GSN: variants seen among roughly 807,000 people sequenced by gnomAD.
GSN encodes the protein actin-depolymerizing factor.
GSN carries 56 observed loss-of-function variants against 85.7 expected under a neutral mutation model. That is an observed-to-expected ratio of 0.65 (90% CI 0.53 to 0.82). The LOEUF is 0.82. GSN is among the 40% of genes least tolerant of loss of function. The probability of loss-of-function intolerance (pLI) is 0.00; values close to 1 mark genes in which losing one functional copy is unlikely to be tolerated. For synonymous variants in GSN, 373 were observed against 399.1 expected (o/e 0.93, Z 0.78); for missense variants, 857 against 979.8 (o/e 0.87, Z 1.67).
At chr9:121,330,506 C>T (rs576735655) in intron 16 of GSN, among the ~76,000 whole-genome samples, 119 of 152,094 alleles carry the variant, frequency 7.8e-4, no homozygotes, top group Admixed American at 2.4e-3. Flanking sequence ...ACCCAGGAGG[C>T]GGAGGTTGCA....
At chr9:121,307,664 G>C (rs2133349746) in intron 4 of GSN, among the ~76,000 whole-genome samples, 1 of 152,344 alleles carries the variant, frequency 6.6e-6, no homozygotes, top group East Asian at 1.9e-4. Context: ...GGACTTCATT[G>C]CATGCACTTA....
At chr9:121,202,086 G>A in the GSN span, among the ~76,000 whole-genome samples, 2 of 152,230 alleles carry the variant, frequency 1.3e-5, no homozygotes, top group South Asian at 4.1e-4. Context: ...AAGGTGGAAA[G>A]CGCGTATGCG....
intron 10 of GSN, among the ~76,000 whole-genome samples, chr9:121,320,942 G>A (rs964950663): frequency 2.6e-5 from 4 of 152,182 alleles, no homozygotes; most frequent in African/African-American, 9.7e-5. Context: ...AGGGGATGAG[G>A]GGCCTGATTT....
At chr9:121,252,795 G>A (rs927039425) in intron 6 of GSN, among the ~76,000 whole-genome samples, 28 of 152,112 alleles carry the variant, frequency 1.8e-4, no homozygotes, top group African/African-American at 4.8e-4. Context: ...CTAGGATTTC[G>A]GGGGGGCAAT....
intron 2 of GSN, chr9:121,282,481 G>T: frequency 1.6e-6 from 2 of 1,259,850 alleles, no homozygotes; most frequent in South Asian, 7.6e-5. Context: ...GTCTGCTGTG[G>T]CCCAGCTGGC....
At chr9:121,259,674 G>A (rs139524744) in intron 6 of GSN, among the ~76,000 whole-genome samples, 86 of 152,222 alleles carry the variant, frequency 5.6e-4, no homozygotes, top group Admixed American at 1.2e-3. Flanking sequence ...GGCTAAAGAA[G>A]CTCAGAGCTT....
chr9:121,310,533 A>G (rs2060984410), intron 4 of GSN, 151 bp from the exon 5 acceptor site: 1 of 738,238 alleles, frequency 1.4e-6, no homozygotes, highest in African/African-American at 1.7e-5. Flanking sequence ...AATGGGTATG[A>G]AAGTCCTGAG....
intron 5 of GSN, among the ~76,000 whole-genome samples, chr9:121,235,403 A>AGATT (rs1314953728): frequency 1.3e-5 from 2 of 152,192 alleles, no homozygotes; most frequent in African/African-American, 4.8e-5. Context: ...TTACCCAAAG[A>AGATT]GATTATGTGC....
intron 1 of GSN, chr9:121,280,827 G>A (rs2057277059): frequency 6.6e-6 from 1 of 152,236 alleles, no homozygotes; most frequent in Non-Finnish European, 1.5e-5. Context: ...GAGTACTAAC[G>A]TACAGCTCTG....
chr9:121,213,986 C>T (rs1263748484), intron 4 of GSN, among the ~76,000 whole-genome samples: 2 of 152,210 alleles, frequency 1.3e-5, no homozygotes, highest in Non-Finnish European at 2.9e-5. Flanking sequence ...TATCCCTCAT[C>T]CAGCTTCAGC....
chr9:121,218,015 C>T (rs2054099673), intron 4 of GSN, among the ~76,000 whole-genome samples: 1 of 151,880 alleles, frequency 6.6e-6, no homozygotes, highest in Non-Finnish European at 1.5e-5. Context: ...TTTTGCATAT[C>T]CTGATCTTAT....
At chr9:121,305,479 T>C (rs1207466931) in intron 4 of GSN, among the ~76,000 whole-genome samples, 1 of 152,222 alleles carries the variant, frequency 6.6e-6, no homozygotes, top group Non-Finnish European at 1.5e-5. Flanking sequence ...GGCACAGAGA[T>C]GTTAAGCAAC....
chr9:121,228,957 G>A (rs2054332743), intron 4 of GSN, among the ~76,000 whole-genome samples: 1 of 152,084 alleles, frequency 6.6e-6, no homozygotes, highest in South Asian at 2.1e-4. Flanking sequence ...AATATCTTTA[G>A]CAAATATCTC....
chr9:121,288,174 C>T (rs563687911), intron 2 of GSN, among the ~76,000 whole-genome samples: 2 of 152,098 alleles, frequency 1.3e-5, no homozygotes, highest in South Asian at 2.1e-4. Flanking sequence ...GGATTCCTCC[C>T]GCCTCAGCCT....
In GSN at chr9:121,239,116, C is replaced by T. The variant is rs540745977; in HGVS notation, c.-389+7813C>T. The stretch of plus-strand genomic sequence containing the variant: ...AATTGAGCCATTTCTACCTTCTCCT[C>T]GACCTGCATGTTCATATATAGTGGC... On this transcript the variant is annotated intron_variant, in intron 5 of 24. Transcript: ENST00000373823. 7.2e-4 allele frequency: 257 copies of T among 356,898 alleles called. 3 individuals carry two copies. The highest frequency in any genetic ancestry group is 4.5e-3 in the African/African-American group (214 of 47,088). 22.1% of individuals were successfully genotyped at this position (356,898 alleles called of 1,614,324 possible).
At position 121,329,059 on chromosome 9, in the gene GSN, G is replaced by T; in HGVS notation, c.1887+44G>T. ...CACACCTCTGCTTTCCCCTCGGGAG[G>T]CGAGTTCCACAGGACTGGCCGGCAG... On this transcript the variant is annotated intron_variant, in intron 15 of 17. Coordinates refer to ENST00000432226, the MANE Select transcript of GSN (RefSeq NM_198252.3). The surrounding 1 kb of genome is among the most constrained non-coding windows in gnomAD (Gnocchi z 4.6). The T allele has an allele frequency of 6.2e-7, 1 of 1,609,458 alleles. No individual in the cohort carries two copies.
rs2059597374 is a variant in GSN, at chr9:121,299,797, G to A, written c.-9-2166G>A. The A allele has an allele frequency of 2.4e-6, 3 of 1,257,642 alleles. No homozygotes were observed. The highest frequency in any genetic ancestry group is 3.0e-6 in the Non-Finnish European group (3 of 995,192). 77.9% of individuals were successfully genotyped at this position (1,257,642 alleles called of 1,614,324 possible). ...CCCGGCTTGGGCGGGATGGGCGGGC[G>A]GCTACTTAAGGTCGGCGACCCGAGG... On this transcript the variant is annotated intron_variant, in intron 2 of 17. Transcript: ENST00000432226. This position sits in a 1 kb window ranked among gnomAD's most constrained non-coding sequence, Gnocchi z 4.2.
intron 14 of GSN, among the ~76,000 whole-genome samples, chr9:121,328,007 C>A (rs1029058148): frequency 6.6e-6 from 1 of 152,070 alleles, no homozygotes; most frequent in African/African-American, 2.4e-5. Flanking sequence ...AAGGAGAGCC[C>A]AGTGTGGGAA....
At chr9:121,264,104 A>T (rs1321637380), upstream of GSN, among the ~76,000 whole-genome samples, 1 of 152,136 alleles carries the variant, frequency 6.6e-6, no homozygotes, top group Non-Finnish European at 1.5e-5. Context: ...AAGTTTATAT[A>T]GATTGTTATT....
Sources: allele counts gnomAD v4.1 joint callset (sites outside exome capture counted in the v4.1 genomes callset), GRCh38; gene constraint gnomAD v4.1.1; non-coding constraint Gnocchi (gnomAD v3.1); transcripts MANE v1.5; gene names NCBI Gene and HGNC (gene_info 2026-07-23, HGNC 2026-07-21).